The following CAMK1D variants were observed in gnomAD, a reference collection of about 807,000 sequenced individuals.
The protein encoded by CAMK1D is calcium/calmodulin dependent protein kinase ID.
A neutral mutation model predicts 47.7 loss-of-function variants in CAMK1D; 9 were observed. That is an observed-to-expected ratio of 0.19 (90% CI 0.11 to 0.33). CAMK1D has a LOEUF of 0.33. Among genes scored for constraint, CAMK1D ranks in the 10% least tolerant of loss-of-function variants. CAMK1D has a pLI of 1.00. For synonymous variants in CAMK1D, 184 were observed against 184.9 expected, an observed-to-expected ratio of 0.99 and a Z score of 0.04; for missense variants, 291 against 488.7, an observed-to-expected ratio of 0.60 and a Z score of 3.81.
chr10:12,374,428 A>G (rs1288354093), intron 1 of CAMK1D, among the ~76,000 whole-genome samples: 2 of 151,958 alleles, frequency 1.3e-5, no homozygotes, highest in African/African-American at 2.4e-5. Context: ...ACCGTGTCCT[A>G]CAGATCCCAG....
intron 2 of CAMK1D, among the ~76,000 whole-genome samples, chr10:12,639,582 C>T (rs1216938494): frequency 6.6e-6 from 1 of 152,090 alleles, no homozygotes; most frequent in Non-Finnish European, 1.5e-5. Context: ...CCCCCCAAAC[C>T]CAAGGAAGCC....
intron 2 of CAMK1D, 75 bp from the exon 3 acceptor site, chr10:12,666,661 T>C: frequency 8.4e-7 from 1 of 1,186,340 alleles, no homozygotes; most frequent in Non-Finnish European, 1.2e-6. Flanking sequence ...AACTTTTTGC[T>C]ACAATGCTGT....
intron 2 of CAMK1D, among the ~76,000 whole-genome samples, chr10:12,658,005 C>T (rs917275041): frequency 2.6e-5 from 4 of 152,134 alleles, no homozygotes; most frequent in African/African-American, 9.7e-5. Flanking sequence ...CAAAAATTAG[C>T]TGGGCATGGT....
At chr10:12,564,743 T>C (rs956028937) in intron 2 of CAMK1D, among the ~76,000 whole-genome samples, 3 of 152,218 alleles carry the variant, frequency 2.0e-5, no homozygotes, top group Admixed American at 1.3e-4. Flanking sequence ...GTAGGAGGTA[T>C]CACTTGGGAT....
At chr10:12,514,772 T>A (rs1835139528) in intron 1 of CAMK1D, among the ~76,000 whole-genome samples, 2 of 152,274 alleles carry the variant, frequency 1.3e-5, no homozygotes, top group Non-Finnish European at 2.9e-5. Context: ...AAGAAGTGTC[T>A]AATACAATGT....
At position 12,827,324 on chromosome 10, in the gene CAMK1D, C is replaced by CTTTTTCTTTCTT. The variant is rs1564593743; in HGVS notation, c.1040-1444_1040-1443insTTTTCTTTCTTT. On this transcript the variant is annotated intron_variant, in intron 10 of 10. Coordinates refer to ENST00000619168, the MANE Select transcript of CAMK1D (RefSeq NM_153498.4). ...CTCTCTCTTTTTCTTTTCTTTCTTT[C>CTTTTTCTTTCTT]TCTCTCTTCTCTTCCTTCCTTCCTT... Among the ~76,000 whole-genome samples, 9 of 74,218 alleles carry CTTTTTCTTTCTT rather than the reference C, an allele frequency of 1.2e-4. No homozygotes were observed. In the East Asian group the frequency reaches 2.3e-3, roughly 19 times the overall value. 48.7% of individuals were successfully genotyped at this position (74,218 alleles called of 152,430 possible).
At chr10:12,390,179 CT>C (rs1290217904) in intron 1 of CAMK1D, among the ~76,000 whole-genome samples, 1 of 152,118 alleles carries the variant, frequency 6.6e-6, no homozygotes, top group Non-Finnish European at 1.5e-5. Flanking sequence ...AATTTTCATA[CT>C]GCATTTGCTA....
intron 4 of CAMK1D, among the ~76,000 whole-genome samples, chr10:12,769,177 C>T (rs1351094671): frequency 6.6e-6 from 1 of 152,186 alleles, no homozygotes; most frequent in Non-Finnish European, 1.5e-5. Flanking sequence ...GGAGCGAGCA[C>T]GGGTCAGCTG....
At chr10:12,681,991 G>A (rs1202924629) in intron 3 of CAMK1D, among the ~76,000 whole-genome samples, 1 of 152,200 alleles carries the variant, frequency 6.6e-6, no homozygotes, top group Non-Finnish European at 1.5e-5. Context: ...AGGCCCAGGT[G>A]GGCAGATCAC....
At chr10:12,482,025 T>A (rs1245387446) in intron 1 of CAMK1D, among the ~76,000 whole-genome samples, 1 of 152,262 alleles carries the variant, frequency 6.6e-6, no homozygotes, top group Non-Finnish European at 1.5e-5. Flanking sequence ...ACATCTTTCT[T>A]GCAGGCTGGT....
intron 3 of CAMK1D, among the ~76,000 whole-genome samples, chr10:12,698,782 C>A (rs1303377023): frequency 6.7e-6 from 1 of 148,476 alleles, no homozygotes; most frequent in Non-Finnish European, 1.5e-5. Flanking sequence ...AAGCGATTCT[C>A]CTGCCTCAGG....
chr10:12,827,520 T>G (rs1410522408), intron 10 of CAMK1D, among the ~76,000 whole-genome samples: 1 of 21,216 alleles, frequency 4.7e-5, no homozygotes, highest in Non-Finnish European at 1.0e-4. Context: ...CTTTCTTTCT[T>G]TCTTTCTTTC....
intron 4 of CAMK1D, among the ~76,000 whole-genome samples, chr10:12,768,061 C>T (rs1461241574): frequency 6.6e-6 from 1 of 152,054 alleles, no homozygotes; most frequent in Non-Finnish European, 1.5e-5. Flanking sequence ...TTAGTAGAGA[C>T]GGGGTTTCGC....
Position 12,816,269 on chromosome 10 carries a change from C to T in CAMK1D, c.774C>T (p.Asn258=), listed in dbSNP as rs753859699. The change falls in exon 8 of 11, where the codon AAC becomes AAT. Residue 258 remains asparagine, a synonymous_variant. Coordinates refer to ENST00000619168, the MANE Select transcript of CAMK1D (RefSeq NM_153498.4). The part of the protein sequence containing the change: ...ISDSAKDFIR[N]LMEKDPNKRY... ...GAACAGCAAAAGACTTCATTCGGAA[C>T]CTGATGGAGAAGGACCCGAATAAAA... 1.2e-6 allele frequency: 2 copies of T among 1,613,798 alleles called. No homozygotes were observed. Among genetic ancestry groups the T allele is most frequent in the Non-Finnish European group, 8.5e-7 (1 of 1,179,858 alleles).
intron 2 of CAMK1D, among the ~76,000 whole-genome samples, chr10:12,563,344 A>C (rs1837003771): frequency 7.3e-6 from 1 of 136,636 alleles, no homozygotes; most frequent in African/African-American, 2.8e-5. Context: ...ACAGAGTGAG[A>C]CTCTGTCTCT....
intron 1 of CAMK1D, among the ~76,000 whole-genome samples, chr10:12,442,647 A>G (rs1487511078): frequency 2.0e-5 from 3 of 152,220 alleles, no homozygotes; most frequent in African/African-American, 4.8e-5. Context: ...TCTCAGCTTG[A>G]AAGACTTTCT....
chr10:12,593,521 C>T (rs182633517), intron 2 of CAMK1D, among the ~76,000 whole-genome samples: 30 of 152,214 alleles, frequency 2.0e-4, no homozygotes, highest in Non-Finnish European at 3.5e-4. Flanking sequence ...ACCCGGGAGG[C>T]GGAGGTTGCG....
intron 1 of CAMK1D, among the ~76,000 whole-genome samples, chr10:12,371,028 T>C (rs1459887672): frequency 6.6e-6 from 1 of 152,148 alleles, no homozygotes; most frequent in Non-Finnish European, 1.5e-5. Flanking sequence ...TAAGCTGTTA[T>C]TACAAGAGTC....
intron 3 of CAMK1D, among the ~76,000 whole-genome samples, chr10:12,727,645 A>T (rs979126927): frequency 1.3e-5 from 2 of 152,166 alleles, no homozygotes; most frequent in Non-Finnish European, 2.9e-5. Flanking sequence ...GCATCAACGC[A>T]GTGAGGTTTT....
Sources: gnomAD v4.1 joint callset for allele counts (sites outside exome capture counted in the v4.1 genomes callset) on GRCh38, gnomAD v4.1.1 for gene constraint, MANE v1.5 for transcripts, NCBI Gene and HGNC (gene_info 2026-07-23, HGNC 2026-07-21) for gene names.